The following ST6GALNAC3 variants were observed in gnomAD, a reference collection of about 807,000 sequenced individuals.
ST6GALNAC3 encodes alpha-N-acetylgalactosaminide alpha-2,6-sialyltransferase 3.
A neutral mutation model predicts 32.7 loss-of-function variants in ST6GALNAC3; 25 were observed. That is an observed-to-expected ratio of 0.76 (90% CI 0.56 to 1.07). ST6GALNAC3 has a LOEUF of 1.07. Ranked by LOEUF, ST6GALNAC3 falls within the 50% of genes least tolerant of loss-of-function variation. The probability of loss-of-function intolerance (pLI) is 0.00; values close to 1 mark genes in which losing one functional copy is unlikely to be tolerated. For synonymous variants in ST6GALNAC3, 129 were observed against 133.1 expected (o/e 0.97, Z 0.21); for missense variants, 355 against 382.4 (o/e 0.93, Z 0.60).
intron 2 of ST6GALNAC3, among the ~76,000 whole-genome samples, chr1:76,377,341 A>G (rs1651316589): frequency 1.3e-5 from 2 of 152,166 alleles, no homozygotes; most frequent in Non-Finnish European, 2.9e-5. Context: ...ATTTATGAAG[A>G]AAGAAGGTTT....
At chr1:76,496,613 C>A (rs773673909) in intron 3 of ST6GALNAC3, among the ~76,000 whole-genome samples, 1 of 152,192 alleles carries the variant, frequency 6.6e-6, no homozygotes, top group East Asian at 1.9e-4. Flanking sequence ...TGCCTCCAAA[C>A]CTCCCCACCC....
At chr1:76,130,856 G>T (rs1649563604) in intron 1 of ST6GALNAC3, among the ~76,000 whole-genome samples, 1 of 152,242 alleles carries the variant, frequency 6.6e-6, no homozygotes, top group African/African-American at 2.4e-5. Flanking sequence ...GTTTTCTGCT[G>T]CTACTGACTC....
At chr1:76,296,880 G>A (rs1424841510) in intron 1 of ST6GALNAC3, among the ~76,000 whole-genome samples, 2 of 151,944 alleles carry the variant, frequency 1.3e-5, no homozygotes, top group Non-Finnish European at 2.9e-5. Context: ...CCTATATCTT[G>A]TATGGTGCAG....
At chr1:76,531,547 A>C (rs1301123191) in intron 3 of ST6GALNAC3, among the ~76,000 whole-genome samples, 1 of 152,194 alleles carries the variant, frequency 6.6e-6, no homozygotes, top group Non-Finnish European at 1.5e-5. Flanking sequence ...TGTTAGCCAG[A>C]TATAGAAATC....
intron 3 of ST6GALNAC3, among the ~76,000 whole-genome samples, chr1:76,564,575 A>ATTTTT (rs200008546): frequency 4.0e-5 from 5 of 126,268 alleles, no homozygotes; most frequent in African/African-American, 6.4e-5. Flanking sequence ...TGAATGCAGC[A>ATTTTT]TTTTTTTTTT....
chr1:76,143,398 T>TGTGTGTGTGC (rs1340657167), intron 1 of ST6GALNAC3, among the ~76,000 whole-genome samples: 2 of 148,306 alleles, frequency 1.3e-5, no homozygotes, highest in South Asian at 4.3e-4. Context: ...AAGTCGTGTG[T>TGTGTGTGTGC]GTGTGTGTGT....
At chr1:76,422,324 G>A (rs1408291852) in intron 3 of ST6GALNAC3, among the ~76,000 whole-genome samples, 3 of 151,988 alleles carry the variant, frequency 2.0e-5, no homozygotes, top group Admixed American at 6.6e-5. Flanking sequence ...GTGCAATTAA[G>A]TTACAAGTTT....
chr1:76,521,725 A>G (rs1662549524), intron 3 of ST6GALNAC3, among the ~76,000 whole-genome samples: 2 of 152,162 alleles, frequency 1.3e-5, no homozygotes, highest in African/African-American at 4.8e-5. Context: ...TTTTTGAGAT[A>G]TATTTTCATT....
At chr1:76,601,877 A>G (rs969854845) in intron 3 of ST6GALNAC3, among the ~76,000 whole-genome samples, 5 of 152,184 alleles carry the variant, frequency 3.3e-5, no homozygotes, top group African/African-American at 4.8e-5. Context: ...AAAGCAGTTA[A>G]GAGGAAGTCC....
intron 1 of ST6GALNAC3, among the ~76,000 whole-genome samples, chr1:76,203,522 G>GCAT (rs199694128): frequency 1.6e-5 from 1 of 62,060 alleles, no homozygotes; most frequent in Non-Finnish European, 4.2e-5. Context: ...GGTGACTTGT[G>GCAT]TATTTTTTTT....
chr1:76,347,689 G>A (rs1648634397), intron 2 of ST6GALNAC3, among the ~76,000 whole-genome samples: 1 of 152,040 alleles, frequency 6.6e-6, no homozygotes, highest in African/African-American at 2.4e-5. Context: ...ATATCAGAAA[G>A]GTATAACATA....
Position 76,532,507 on chromosome 1 carries a change from C to A in ST6GALNAC3, c.624-94945C>A, listed in dbSNP as rs12066065. On this transcript the variant is annotated intron_variant, in intron 3 of 4. Coordinates refer to ENST00000328299, the MANE Select transcript of ST6GALNAC3 (RefSeq NM_152996.4). ...AGAGTGCATTGTTTAATATCCCCTA[C>A]GAACGACAACAACCCAAACGTAACA... Among the ~76,000 whole-genome samples the A allele has an allele frequency of 3.5e-3, 531 of 152,096 alleles. 2 individuals are homozygous for A. Among genetic ancestry groups the A allele is most frequent in the African/African-American group, 0.012 (498 of 41,480 alleles).
intron 1 of ST6GALNAC3, among the ~76,000 whole-genome samples, chr1:76,208,755 C>T (rs1054156463): frequency 5.3e-5 from 8 of 152,176 alleles, no homozygotes; most frequent in Admixed American, 4.6e-4. Context: ...TGCCATTTTC[C>T]AGTCACACTG....
At chr1:76,407,115 T>C (rs759130351) in intron 2 of ST6GALNAC3, among the ~76,000 whole-genome samples, 1 of 152,042 alleles carries the variant, frequency 6.6e-6, no homozygotes, top group African/African-American at 2.4e-5. Flanking sequence ...AATGTCGAGA[T>C]TCATTTTAGC....
At chr1:76,637,192 C>T (rs1649524822), downstream of ST6GALNAC3, 1 of 152,078 alleles carries the variant, frequency 6.6e-6, no homozygotes, top group Non-Finnish European at 1.5e-5. Context: ...TATAAAATTG[C>T]TTAAATATCT....
Position 76,174,315 on chromosome 1 carries a change from T to C in ST6GALNAC3, c.18+99431T>C, listed in dbSNP as rs376088222. Among the ~76,000 whole-genome samples the C allele has an allele frequency of 8.5e-5, 13 of 152,146 alleles. No homozygotes were observed. In the East Asian group the frequency reaches 1.4e-3, roughly 16 times the overall value. ...TGGAACAATGTGCACTAAGGCTTGT[T>C]GTGGGATGGGGGTGAGAGGAGGGAA... On this transcript the variant is annotated intron_variant, in intron 1 of 4. Coordinates refer to ENST00000328299, the MANE Select transcript of ST6GALNAC3 (RefSeq NM_152996.4).
intron 3 of ST6GALNAC3, among the ~76,000 whole-genome samples, chr1:76,612,214 C>T (rs1647983550): frequency 6.6e-6 from 1 of 152,158 alleles, no homozygotes; most frequent in African/African-American, 2.4e-5. Context: ...ACCAGATTCT[C>T]TGTTATCGTG....
At chr1:76,450,388 C>A (rs112469231) in intron 3 of ST6GALNAC3, among the ~76,000 whole-genome samples, 1 of 152,138 alleles carries the variant, frequency 6.6e-6, no homozygotes, top group East Asian at 1.9e-4. Flanking sequence ...TGAGAATTGT[C>A]TATTCTTGTC....
intron 1 of ST6GALNAC3, among the ~76,000 whole-genome samples, chr1:76,283,315 A>G (rs758148142): frequency 6.6e-6 from 1 of 152,170 alleles, no homozygotes; most frequent in African/African-American, 2.4e-5. Flanking sequence ...GAGCTTTGCT[A>G]TACTACTTTG....
Sources: allele counts gnomAD v4.1 joint callset (sites outside exome capture counted in the v4.1 genomes callset), GRCh38; gene constraint gnomAD v4.1.1; transcripts MANE v1.5; gene names NCBI Gene and HGNC (gene_info 2026-07-23, HGNC 2026-07-21).